Variants in NDST2 observed in about 807,000 individuals in gnomAD.
NDST2 encodes the protein bifunctional heparan sulfate N-deacetylase/N-sulfotransferase 2.
In NDST2, 32 loss-of-function variants were observed where a neutral mutation model predicts 86.9. That is an observed-to-expected ratio of 0.37 (90% CI 0.28 to 0.49). The LOEUF (loss-of-function observed/expected upper bound fraction) is 0.49. NDST2 is among the 20% of genes least tolerant of loss of function. The pLI, the probability that NDST2 is intolerant of heterozygous loss-of-function variation, is 0.97. For synonymous variants in NDST2, 409 were observed against 437.0 expected (o/e 0.94, Z 0.80); for missense variants, 950 against 1,146.9 (o/e 0.83, Z 2.48).
chr10:73,804,087 G>A, intron 9 of NDST2, 71 bp from the exon 10 acceptor site: 2 of 1,542,600 alleles, frequency 1.3e-6, no homozygotes, highest in Non-Finnish European at 1.7e-6. Flanking sequence ...GCATAAGCTT[G>A]AAGGAAGTGA....
rs1383661524 is a variant in NDST2, at chr10:73,808,355, G to A, written c.34C>T (p.Arg12Trp). ...ATGAGGCGGTGCAGTTCCAGCTGCCGAGCTGGGCGTACCACCTTCCACAAC... is the reference window on the plus strand; with the variant it reads ...ATGAGGCGGTGCAGTTCCAGCTGCCAAGCTGGGCGTACCACCTTCCACAAC... ...LQLWKVVRPA[R>W]QLELHRLILL... The change falls in exon 3 of 15, where the codon CGG becomes TGG. Residue 12 changes from arginine (R) to tryptophan (W), a missense_variant. This residue lies in a region of NDST2 where 38 missense variants were observed against 42.5 expected (regional missense o/e 0.89). Transcript: ENST00000309979. This position sits in a 1 kb window ranked among gnomAD's most constrained non-coding sequence, Gnocchi z 4.3. 1.7e-5 allele frequency: 27 copies of A among 1,595,986 alleles called. No individual in the cohort carries two copies. Among genetic ancestry groups the A allele is most frequent in the Non-Finnish European group, 2.1e-5 (25 of 1,171,394 alleles).
chr10:73,803,146 A>C (rs775403285), intron 12 of NDST2, 43 bp downstream of exon 12: 2 of 1,613,614 alleles, frequency 1.2e-6, no homozygotes, highest in South Asian at 2.2e-5. Flanking sequence ...AGGGAAGAAG[A>C]GGGGAAGGGG....
rs1230684121 is a variant in NDST2, at chr10:73,808,099, T to C, written c.290A>G (p.Gln97Arg). The stretch of plus-strand genomic sequence containing the variant: ...GATGGCCACAATTTCCTGCCCCAGC[T>C]GTGAGTATGCACTCTCCACAAACAC... ...VLVFVESAYSQLGQEIVAILE... is the reference protein window; with the variant it reads ...VLVFVESAYSRLGQEIVAILE... The change falls in exon 3 of 15, where the codon CAG (glutamine) becomes CGG (arginine). Residue 97 changes from glutamine (Q) to arginine (R), a missense_variant. Around this residue, in one of 5 missense-constraint regions of NDST2, gnomAD observed 586 missense variants for 714.0 expected, o/e 0.82. Transcript: ENST00000309979. This position sits in a 1 kb window ranked among gnomAD's most constrained non-coding sequence, Gnocchi z 4.3. 6.2e-7 allele frequency: 1 copy of C among 1,614,256 alleles called. No individual in the cohort carries two copies. Among genetic ancestry groups the C allele is most frequent in the Non-Finnish European group, 8.5e-7 (1 of 1,180,046 alleles).
intron 11 of NDST2, 58 bp downstream of exon 11, chr10:73,803,516 C>CTGGGGGG: frequency 8.4e-7 from 1 of 1,185,710 alleles, no homozygotes. Flanking sequence ...CTAGCAGTCA[C>CTGGGGGG]TGTCCCCTCC....
At position 73,803,950 on chromosome 10, in the gene NDST2, C is replaced by A. The variant is rs770039344; in HGVS notation, c.1910G>T (p.Ser637Ile). Reference protein sequence around the residue: ...PAVTSSFPSPSTFEEIQFFNS... With the variant: ...PAVTSSFPSPITFEEIQFFNS... ...GAAGAACTGAATCTCCTCAAATGTG[C>A]TGGGGCTAGGGAAGCTGCTAGTTAC... The change falls in exon 10 of 15, where the codon AGC (serine) becomes ATC (isoleucine). Residue 637 changes from serine to isoleucine, a missense_variant. Physicochemically the swap from Ser to Ile is moderately radical, Grantham distance 142. Around this residue, in one of 5 missense-constraint regions of NDST2, gnomAD observed 303 missense variants for 323.7 expected, o/e 0.94. Transcript: ENST00000309979. 5 of 1,614,114 alleles carry A rather than the reference C, an allele frequency of 3.1e-6. No individual in the cohort carries two copies. Among genetic ancestry groups the A allele is most frequent in the Non-Finnish European group, 4.2e-6 (5 of 1,180,026 alleles).
rs2084115571 is a variant in NDST2 at position 73,807,053 on chromosome 10, A to G, written c.1093+55T>C. On this transcript the variant is annotated intron_variant, in intron 4 of 14. Coordinates refer to ENST00000309979, the MANE Select transcript of NDST2 (RefSeq NM_003635.4). ...AACTTGTCTGCCCAGGGAGGTGGAC[A>G]GTGAAGGGACAGGTCAAACTATGAT... 13 of 1,530,252 alleles carry G rather than the reference A, an allele frequency of 8.5e-6. No homozygotes were observed. In the South Asian group the frequency reaches 1.5e-4, roughly 17 times the overall value. The allele number at this position is 1,530,252 out of a possible 1,614,324, so 94.8% of individuals were successfully genotyped here.
At position 73,808,601 on chromosome 10, in the gene NDST2, C is replaced by T; in HGVS notation, c.-213G>A. 1 of 536,410 alleles carries T rather than the reference C, an allele frequency of 1.9e-6. No homozygotes were observed. 33.2% of individuals were successfully genotyped at this position (536,410 alleles called of 1,614,324 possible). On this transcript the variant is annotated 5_prime_UTR_variant, in exon 3 of 15. Transcript: ENST00000309979. This position sits in a 1 kb window ranked among gnomAD's most constrained non-coding sequence, Gnocchi z 4.3. ...AAGCAGGGGGCAACTATACAGAGTC[C>T]ACTTGTCTCAGGTCACCATGGCCCC...
In NDST2 at chr10:73,807,806, A is replaced by C; in HGVS notation, c.583T>G (p.Leu195Val). The change falls in exon 3 of 15, where the codon TTG becomes GTG. Residue 195 changes from leucine to valine, a missense_variant. By Grantham distance (32) the Leu-to-Val change is conservative. This residue lies in a region of NDST2 where 586 missense variants were observed against 714.0 expected (regional missense o/e 0.82). Transcript: ENST00000309979. ...KGFPLFLHSNLGLRDYQVNPS... is the reference protein window; with the variant it reads ...KGFPLFLHSNVGLRDYQVNPS... ...TTCACTTGGTAGTCCCGGAGCCCCA[A>C]GTTTGAGTGTAAAAAAAGGGGAAAG... 6.2e-7 allele frequency: 1 copy of C among 1,614,170 alleles called. No individual in the cohort carries two copies. Among genetic ancestry groups the C allele is most frequent in the East Asian group, 2.2e-5 (1 of 44,886 alleles).
At position 73,805,569 on chromosome 10, in the gene NDST2, ACTGAGCT is replaced by A; in HGVS notation, c.1746+11_1746+17del. On this transcript the variant is annotated intron_variant, in intron 8 of 14. Transcript: ENST00000309979. ...CCACCCCTATCATGTCTCTCATCAGACTGAGCTCCACCTTTACCTGCCAAAGGGGGCT... is the reference window on the plus strand; with the variant it reads ...CCACCCCTATCATGTCTCTCATCAGACCACCTTTACCTGCCAAAGGGGGCT... 6.2e-7 allele frequency: 1 copy of A among 1,613,136 alleles called. No individual in the cohort carries two copies. Among genetic ancestry groups the A allele is most frequent in the Non-Finnish European group, 8.5e-7 (1 of 1,179,504 alleles).
rs554035451 is a variant in NDST2, at chr10:73,807,906, G to A, written c.483C>T (p.Cys161=). ...AWSRELLDRY[C]VEYGVGIIGF... is the part of the protein sequence containing the mutation. ...CAATGATGCCCACACCATACTCCAC[G>A]CAGTACCGGTCTAGCAGTTCCCGAC... The change falls in exon 3 of 15, where the codon TGC becomes TGT. Residue 161 remains cysteine (C), a synonymous_variant. Transcript: ENST00000309979. 3.7e-6 allele frequency: 6 copies of A among 1,614,154 alleles called. No individual in the cohort carries two copies. The highest frequency in any genetic ancestry group is 5.1e-6 in the Non-Finnish European group (6 of 1,180,018).
chr10:73,802,942 G>A, intron 13 of NDST2, 30 bp downstream of exon 13: 3 of 1,600,004 alleles, frequency 1.9e-6, no homozygotes, highest in Non-Finnish European at 2.6e-6. Context: ...TTCCCATACA[G>A]TACTCCTCCC....
At chr10:73,811,030 C>G (rs1479193652) in intron 1 of NDST2, 127 bp from the exon 2 acceptor site, 1 of 392,942 alleles carries the variant, frequency 2.5e-6, no homozygotes, top group African/African-American at 2.1e-5. Context: ...ACGGCGAAGC[C>G]AGACGGGGGC....
chr10:73,807,012 C>T lies in NDST2; in HGVS notation c.1093+96G>A. 4 of 1,458,982 alleles carry T rather than the reference C, an allele frequency of 2.7e-6. No individual in the cohort carries two copies. In the South Asian group the frequency reaches 4.6e-5, roughly 17 times the overall value. 90.4% of individuals were successfully genotyped at this position (1,458,982 alleles called of 1,614,324 possible). On this transcript the variant is annotated intron_variant, in intron 4 of 14. Transcript: ENST00000309979. ...TCCTCACAGCAGTCTGACCCCAAAC[C>T]TTGACCCTTTTCTTCAACTTGTCTG...
In NDST2 at chr10:73,803,175, TGTG is replaced by T. The variant is rs755881960; in HGVS notation, c.2313+11_2313+13del. 1.8e-5 allele frequency: 29 copies of T among 1,613,940 alleles called. No homozygotes were observed. Among genetic ancestry groups the T allele is most frequent in the Non-Finnish European group, 2.3e-5 (27 of 1,179,916 alleles). On this transcript the variant is annotated intron_variant, in intron 12 of 14. Transcript: ENST00000309979. ...GAAGGGGAACCCCACTGAGGGCTCT[TGTG>T]GGGATTATACCTGTCCAGAGGGGTA...
chr10:73,802,095 G>A lies in NDST2; in HGVS notation c.*356C>T. ...ATAGCAAGGGGTCCCTCCCATGCAA[G>A]GGGTCTCTCCCATAGCCAGGTATAG... On this transcript the variant is annotated 3_prime_UTR_variant, in exon 15 of 15. Coordinates refer to ENST00000309979, the MANE Select transcript of NDST2 (RefSeq NM_003635.4). 2.6e-6 allele frequency: 1 copy of A among 379,994 alleles called. No individual in the cohort carries two copies. The highest frequency in any genetic ancestry group is 2.5e-5 in the South Asian group (1 of 39,444). The allele number at this position is 379,994 out of a possible 1,614,324, so 23.5% of individuals were successfully genotyped here.
In NDST2 at chr10:73,807,530, A is replaced by C; in HGVS notation, c.859T>G (p.Trp287Gly). 6.2e-7 allele frequency: 1 copy of C among 1,614,210 alleles called. No homozygotes were observed. The highest frequency in any genetic ancestry group is 8.5e-7 in the Non-Finnish European group (1 of 1,180,030). ...RVLFGHGLSFWLHKLIFVDAV... is the reference protein window; with the variant it reads ...RVLFGHGLSFGLHKLIFVDAV... ...TCAACGAAGATAAGTTTGTGGAGCC[A>C]GAAGGAAAGGCCATGTCCAAAGAGC... is the stretch of plus-strand genomic sequence containing the variant. Residue 287 changes from tryptophan to glycine, a missense_variant, in exon 3 of 15, where the codon TGG (tryptophan) becomes GGG (glycine). Around this residue, in one of 5 missense-constraint regions of NDST2, gnomAD observed 586 missense variants for 714.0 expected, o/e 0.82. Transcript: ENST00000309979.
Position 73,802,090 on chromosome 10 carries a change from T to TA in NDST2, c.*360_*361insT. The TA allele has an allele frequency of 2.7e-6, 1 of 374,042 alleles. No homozygotes were observed. The highest frequency in any genetic ancestry group is 2.5e-5 in the South Asian group (1 of 39,434). 23.2% of individuals were successfully genotyped at this position (374,042 alleles called of 1,614,324 possible). On this transcript the variant is annotated 3_prime_UTR_variant, in exon 15 of 15. Transcript: ENST00000309979. Reference sequence around the variant, plus strand: ...GGGCCATAGCAAGGGGTCCCTCCCATGCAAGGGGTCTCTCCCATAGCCAGG... The same window carrying TA: ...GGGCCATAGCAAGGGGTCCCTCCCATAGCAAGGGGTCTCTCCCATAGCCAGG...
At position 73,802,382 on chromosome 10, in the gene NDST2, G is replaced by T; in HGVS notation, c.*69C>A. ...GGGCCAGGCCACTCTAATCCCCCTTGTGGGCCCTGCTCTGGACCTGCCCCT... is the reference window on the plus strand; with the variant it reads ...GGGCCAGGCCACTCTAATCCCCCTTTTGGGCCCTGCTCTGGACCTGCCCCT... On this transcript the variant is annotated 3_prime_UTR_variant, in exon 15 of 15. Transcript: ENST00000309979. 3 of 1,592,526 alleles carry T rather than the reference G, an allele frequency of 1.9e-6. No individual in the cohort carries two copies. Among genetic ancestry groups the T allele is most frequent in the Non-Finnish European group, 2.6e-6 (3 of 1,166,842 alleles).
Position 73,803,898 on chromosome 10 carries a change from A to G in NDST2, c.1962T>C (p.Ile654=). Reference sequence around the variant, plus strand: ...CAAATGGGGCCCAGTCTCACCAGTCAATACCCTTGTGGTAATTAGGGCTGT... The same window carrying G: ...CAAATGGGGCCCAGTCTCACCAGTCGATACCCTTGTGGTAATTAGGGCTGT... ...FFNSPNYHKG[I]DWYMDFFPVP... Residue 654 remains isoleucine (I), a synonymous_variant, in exon 10 of 15, where the codon ATT becomes ATC. Coordinates refer to ENST00000309979, the MANE Select transcript of NDST2 (RefSeq NM_003635.4). 6.2e-7 allele frequency: 1 copy of G among 1,614,166 alleles called. No homozygotes were observed.
Sources: gnomAD v4.1 joint callset for allele counts on GRCh38, gnomAD v4.1.1 for gene constraint, gnomAD v4.1.1 regional missense constraint, Gnocchi (gnomAD v3.1) non-coding constraint, MANE v1.5 for transcripts, NCBI Gene and HGNC (gene_info 2026-07-23, HGNC 2026-07-21) for gene names.